Variants in DCDC1 observed in about 807,000 individuals in gnomAD.
DCDC1 encodes the protein doublecortin domain containing 1.
DCDC1 carries 200 observed loss-of-function variants against 178.3 expected under a neutral mutation model. The ratio of observed to expected loss-of-function variants is 1.12; its 90% CI spans 1.00 to 1.26. The LOEUF is 1.26. DCDC1 is among the 50% of genes most tolerant of loss of function. The pLI is 0.00. For synonymous variants in DCDC1, 690 were observed against 604.8 expected (o/e 1.14, Z -2.07); for missense variants, 1,983 against 1,749.2 (o/e 1.13, Z -2.38).
chr11:30,869,607 G>C (rs748268439), intron 38 of DCDC1, among the ~76,000 whole-genome samples: 2 of 152,156 alleles, frequency 1.3e-5, no homozygotes, highest in Non-Finnish European at 2.9e-5. Context: ...AACAGGTACA[G>C]GGGGAGCACA....
At chr11:31,357,582 G>C (rs1335154778) in intron 1 of DCDC1, among the ~76,000 whole-genome samples, 2 of 152,080 alleles carry the variant, frequency 1.3e-5, no homozygotes, top group African/African-American at 4.8e-5. Context: ...TGGAAGTTCT[G>C]GCCAGGGCAA....
chr11:31,244,250 G>A (rs1043277139), intron 8 of DCDC1, among the ~76,000 whole-genome samples: 2 of 151,552 alleles, frequency 1.3e-5, no homozygotes, highest in Non-Finnish European at 3.0e-5. Context: ...AAAAGAAGTC[G>A]CTCTACTTTT....
At chr11:31,233,857 T>C (rs994230938) in intron 9 of DCDC1, among the ~76,000 whole-genome samples, 1 of 152,142 alleles carries the variant, frequency 6.6e-6, no homozygotes, top group Non-Finnish European at 1.5e-5. Flanking sequence ...TAAAAAAGAA[T>C]TGTCCAGTGG....
At chr11:30,888,214 A>G (rs955800701) in intron 36 of DCDC1, among the ~76,000 whole-genome samples, 1 of 151,904 alleles carries the variant, frequency 6.6e-6, no homozygotes, top group Non-Finnish European at 1.5e-5. Context: ...GAGAAACAAG[A>G]TTGTTTAGAG....
intron 9 of DCDC1, among the ~76,000 whole-genome samples, chr11:31,211,978 G>A (rs1972589865): frequency 1.3e-5 from 2 of 151,758 alleles, no homozygotes; most frequent in Non-Finnish European, 2.9e-5. Flanking sequence ...AGCTACTTGG[G>A]AGGCTGAGGC....
At chr11:30,908,757 A>T (rs1945249766) in intron 29 of DCDC1, among the ~76,000 whole-genome samples, 189 bp downstream of exon 29, 1 of 152,166 alleles carries the variant, frequency 6.6e-6, no homozygotes, top group African/African-American at 2.4e-5. Flanking sequence ...AAACTACCTA[A>T]TTCTTTTTCT....
Position 30,920,694 on chromosome 11 carries a change from A to G in DCDC1, c.3293+82T>C, listed in dbSNP as rs570735473. On this transcript the variant is annotated intron_variant, in intron 25 of 38. Coordinates refer to ENST00000684477, the MANE Select transcript of DCDC1 (RefSeq NM_001387274.1). ...CACAAACTTGGCATGAGCTCCCTGC[A>G]TGGGCTCTGTGCTGTTATCGGGCTA... 170 of 1,518,606 alleles carry G rather than the reference A, an allele frequency of 1.1e-4. 2 individuals are homozygous for G. The South Asian group carries it at 1.9e-3, about 17-fold the overall frequency. 94.1% of individuals were successfully genotyped at this position (1,518,606 alleles called of 1,614,324 possible).
At chr11:31,176,434 G>A (rs1026567694) in intron 9 of DCDC1, among the ~76,000 whole-genome samples, 1 of 152,064 alleles carries the variant, frequency 6.6e-6, no homozygotes, top group African/African-American at 2.4e-5. Context: ...CACATTATAG[G>A]AATACCAGTG....
chr11:30,894,666 G>A (rs1167064028), intron 34 of DCDC1, among the ~76,000 whole-genome samples: 1 of 152,184 alleles, frequency 6.6e-6, no homozygotes, highest in Non-Finnish European at 1.5e-5. Context: ...TTGCATCCAT[G>A]ATATGGTTCA....
chr11:31,287,994 G>T (rs1946960353), intron 7 of DCDC1, among the ~76,000 whole-genome samples: 2 of 150,600 alleles, frequency 1.3e-5, no homozygotes, highest in Non-Finnish European at 3.0e-5. Flanking sequence ...GGTGATAGTA[G>T]CAAACCAAGC....
chr11:31,083,535 C>T (rs1359893404), intron 17 of DCDC1, among the ~76,000 whole-genome samples: 2 of 152,092 alleles, frequency 1.3e-5, no homozygotes, highest in Non-Finnish European at 2.9e-5. Context: ...GATGTATGTT[C>T]CATCTAAAGG....
intron 9 of DCDC1, among the ~76,000 whole-genome samples, chr11:31,214,384 T>G (rs534947671): frequency 1.3e-4 from 20 of 152,310 alleles, no homozygotes; most frequent in African/African-American, 4.8e-4. Flanking sequence ...AATGTAAAAG[T>G]AGATTTAAAC....
chr11:30,978,816 ACACACACACACC>A (rs1317971179), intron 20 of DCDC1, among the ~76,000 whole-genome samples: 65 of 106,948 alleles, frequency 6.1e-4, no homozygotes, highest in East Asian at 2.7e-3. Context: ...ACACACACAC[ACACACACACACC>A]CCCTTCTCAG....
chr11:31,313,821 AC>A (rs1305340457), intron 3 of DCDC1, among the ~76,000 whole-genome samples: 2 of 152,212 alleles, frequency 1.3e-5, no homozygotes, highest in African/African-American at 4.8e-5. Context: ...AAAACAAAAA[AC>A]AAAACACAAC....
chr11:30,934,010 T>C (rs1035774824), intron 21 of DCDC1, among the ~76,000 whole-genome samples: 5 of 152,218 alleles, frequency 3.3e-5, no homozygotes, highest in African/African-American at 4.8e-5. Context: ...GCTAGTATCA[T>C]GTCTTAACGC....
At chr11:31,150,534 T>C (rs1407295134) in intron 9 of DCDC1, among the ~76,000 whole-genome samples, 1 of 152,198 alleles carries the variant, frequency 6.6e-6, no homozygotes, top group Non-Finnish European at 1.5e-5. Flanking sequence ...GTCTTTCTTT[T>C]TAATTTATAT....
intron 22 of DCDC1, among the ~76,000 whole-genome samples, chr11:30,927,668 C>A (rs1946671301): frequency 6.6e-6 from 1 of 152,086 alleles, no homozygotes; most frequent in Non-Finnish European, 1.5e-5. Context: ...GTACCAACAA[C>A]AACAAAAGTT....
Position 31,030,374 on chromosome 11 carries a change from G to A in DCDC1, c.2591+34095C>T, listed in dbSNP as rs1449867696. ...ATGCATTAGAAATACTGCTGTGACT[G>A]AAATATGCATAAAGTCTGTGTCTAT... On this transcript the variant is annotated intron_variant, in intron 20 of 38. Transcript: ENST00000684477. Among the ~76,000 whole-genome samples, 5 of 151,952 alleles carry A rather than the reference G, an allele frequency of 3.3e-5. No individual in the cohort carries two copies. The East Asian group carries it at 7.7e-4, about 23-fold the overall frequency.
At chr11:31,269,676 G>A (rs974410485) in intron 7 of DCDC1, among the ~76,000 whole-genome samples, 1 of 152,042 alleles carries the variant, frequency 6.6e-6, no homozygotes, top group Non-Finnish European at 1.5e-5. Context: ...ATGAACCACT[G>A]CACCTGGCCT....
Sources: gnomAD v4.1 joint callset for allele counts (sites outside exome capture counted in the v4.1 genomes callset) on GRCh38, gnomAD v4.1.1 for gene constraint, MANE v1.5 for transcripts, NCBI Gene and HGNC (gene_info 2026-07-23, HGNC 2026-07-21) for gene names.